The following PCDHGA1 variants were observed in gnomAD, a reference collection of about 807,000 sequenced individuals.
PCDHGA1 encodes the protein protocadherin gamma-A1.
PCDHGA1 carries 32 observed loss-of-function variants against 58.0 expected under a neutral mutation model. That is an observed-to-expected ratio of 0.55 (90% CI 0.42 to 0.74). The LOEUF (loss-of-function observed/expected upper bound fraction) is 0.74. Among genes scored for constraint, PCDHGA1 ranks in the 30% least tolerant of loss-of-function variants. PCDHGA1 has a pLI of 0.00. For missense variants in PCDHGA1, 1,205 were observed against 1,182.3 expected (o/e 1.02, Z -0.28); for synonymous variants, 498 against 501.1 (o/e 0.99, Z 0.08).
At position 141,491,623 on chromosome 5, in the gene PCDHGA1, G is replaced by A. The variant is rs767724749; in HGVS notation, c.2422-3184G>A. The A allele has an allele frequency of 3.7e-6, 6 of 1,613,812 alleles. No homozygotes were observed. The highest frequency in any genetic ancestry group is 2.7e-5 in the African/African-American group (2 of 74,938). On this transcript the variant is annotated intron_variant, in intron 1 of 3. Transcript: ENST00000517417. This position sits in a 1 kb window ranked among gnomAD's most constrained non-coding sequence, Gnocchi z 6.9. ...CTTCACTTTTCTAAGACCCCTCAGC[G>A]TTCAGCAGCCCACAGCTCTGGCGCT...
chr5:141,413,639 G>A (rs893578830), intron 1 of PCDHGA1: 2 of 1,613,854 alleles, frequency 1.2e-6, no homozygotes, highest in Non-Finnish European at 1.7e-6. Context: ...GCGGGAATGC[G>A]TTTTCCTCTC....
intron 1 of PCDHGA1, chr5:141,394,332 A>T (rs1270394666): frequency 1.9e-6 from 3 of 1,614,010 alleles, no homozygotes; most frequent in Non-Finnish European, 2.5e-6. Flanking sequence ...GTATATCTCC[A>T]TCAACTCTGA....
At chr5:141,404,063 G>A in intron 1 of PCDHGA1, 1 of 1,613,798 alleles carries the variant, frequency 6.2e-7, no homozygotes, top group Non-Finnish European at 8.5e-7. Context: ...TCTTTTCAAT[G>A]CTCATGACCG....
chr5:141,444,695 CCT>C (rs2154560766), intron 1 of PCDHGA1, among the ~76,000 whole-genome samples: 1 of 152,134 alleles, frequency 6.6e-6, no homozygotes, highest in South Asian at 2.1e-4. Flanking sequence ...AAAATATTTT[CCT>C]CTTTCTGTTG....
intron 1 of PCDHGA1, chr5:141,362,563 T>C: frequency 6.2e-7 from 1 of 1,608,274 alleles, no homozygotes; most frequent in Non-Finnish European, 8.5e-7. Context: ...GAAGGTGAGC[T>C]TTAATTAATT....
At chr5:141,494,937 G>A (rs759078748) in intron 2 of PCDHGA1, 72 bp downstream of exon 2, 130 of 1,612,276 alleles carry the variant, frequency 8.1e-5, no homozygotes, top group Non-Finnish European at 1.1e-4. Context: ...GAGGAGATGG[G>A]GGAGGGCCCA....
Position 141,431,920 on chromosome 5 carries a change from A to C in PCDHGA1, c.2422-62887A>C. On this transcript the variant is annotated intron_variant, in intron 1 of 3. Transcript: ENST00000517417. The surrounding 1 kb of genome is among the most constrained non-coding windows in gnomAD (Gnocchi z 4.8). ...ACGGACAGGTGATCTGTTTCATCCA[A>C]GGAAATCTGCCCTTTAAATTAGAAA... 1 of 1,614,164 alleles carries C rather than the reference A, an allele frequency of 6.2e-7. No individual in the cohort carries two copies. Among genetic ancestry groups the C allele is most frequent in the Non-Finnish European group, 8.5e-7 (1 of 1,179,976 alleles).
chr5:141,495,080 G>A (rs73794925), intron 2 of PCDHGA1, among the ~76,000 whole-genome samples: 1 of 152,258 alleles, frequency 6.6e-6, no homozygotes, highest in African/African-American at 2.4e-5. Flanking sequence ...TCACATGCTT[G>A]CCCCTTCCCT....
chr5:141,351,366 A>G (rs773042638), intron 1 of PCDHGA1: 2 of 1,613,000 alleles, frequency 1.2e-6, no homozygotes, highest in South Asian at 2.2e-5. Flanking sequence ...AAAGTGCGAG[A>G]CAAGGATTCT....
chr5:141,383,111 G>A (rs1778825572), intron 1 of PCDHGA1: 3 of 1,614,040 alleles, frequency 1.9e-6, no homozygotes, highest in Non-Finnish European at 2.5e-6. Context: ...TCCAGAGGTA[G>A]GACGCAGCTT....
rs112808093 is a variant in PCDHGA1, at chr5:141,489,579, C to A, written c.2422-5228C>A. ...CAGTGCAGGTGGTGACTGAACACCC[C>A]CTGGAGCTAATCCGTGTAGAGGTAG... On this transcript the variant is annotated intron_variant, in intron 1 of 3. Coordinates refer to ENST00000517417, the MANE Select transcript of PCDHGA1 (RefSeq NM_018912.3). This position sits in a 1 kb window ranked among gnomAD's most constrained non-coding sequence, Gnocchi z 4.5. 1.2e-6 allele frequency: 2 copies of A among 1,613,922 alleles called. No individual in the cohort carries two copies. Among genetic ancestry groups the A allele is most frequent in the African/African-American group, 2.7e-5 (2 of 74,916 alleles).
At chr5:141,466,019 G>C (rs1466918487) in intron 1 of PCDHGA1, among the ~76,000 whole-genome samples, 1 of 152,062 alleles carries the variant, frequency 6.6e-6, no homozygotes, top group African/African-American at 2.4e-5. Flanking sequence ...CTACTCGGGA[G>C]GGTGAGGCAG....
At chr5:141,375,304 T>C (rs1436249937) in intron 1 of PCDHGA1, 4 of 1,613,762 alleles carry the variant, frequency 2.5e-6, no homozygotes, top group Non-Finnish European at 3.4e-6. Flanking sequence ...TAGTGACAAA[T>C]GCAGCTCTAG....
At chr5:141,374,443 A>C (rs886695991) in intron 1 of PCDHGA1, 1 of 1,613,842 alleles carries the variant, frequency 6.2e-7, no homozygotes. Context: ...ATCCCGTGGA[A>C]GTGGAAATAG....
intron 3 of PCDHGA1, chr5:141,508,010 CAAG>C (rs2099865550): frequency 6.6e-6 from 1 of 152,308 alleles, no homozygotes; most frequent in Non-Finnish European, 1.5e-5. Context: ...GGGATGCTCT[CAAG>C]GAGGCTGCGG....
chr5:141,489,864 T>G lies in PCDHGA1; in HGVS notation c.2422-4943T>G, dbSNP rs1274301673. ...TGGATCGTGAAGCCCAGGCAAGACA[T>G]CAGCTGGTGCTTACTGCTGTGGATG... On this transcript the variant is annotated intron_variant, in intron 1 of 3. Coordinates refer to ENST00000517417, the MANE Select transcript of PCDHGA1 (RefSeq NM_018912.3). This position sits in a 1 kb window ranked among gnomAD's most constrained non-coding sequence, Gnocchi z 4.5. 5 of 1,614,064 alleles carry G rather than the reference T, an allele frequency of 3.1e-6. No individual in the cohort carries two copies. The highest frequency in any genetic ancestry group is 3.4e-6 in the Non-Finnish European group (4 of 1,180,022).
chr5:141,407,919 C>A, intron 1 of PCDHGA1: 1 of 472,082 alleles, frequency 2.1e-6, no homozygotes, highest in Non-Finnish European at 3.7e-6. Flanking sequence ...GGCTGCTGTC[C>A]CGCACGGAGC....
intron 1 of PCDHGA1, chr5:141,345,366 ATCAAT>A: frequency 6.2e-7 from 1 of 1,614,130 alleles, no homozygotes; most frequent in Middle Eastern, 1.6e-4. Flanking sequence ...TGTGATTGAC[ATCAAT>A]GACAACCCAC....
intron 1 of PCDHGA1, chr5:141,384,489 A>G: frequency 6.2e-7 from 1 of 1,614,168 alleles, no homozygotes. Flanking sequence ...AACTACAACT[A>G]AGAGTGACTG....
Sources: gnomAD v4.1 joint callset for allele counts (sites outside exome capture counted in the v4.1 genomes callset) on GRCh38, gnomAD v4.1.1 for gene constraint, Gnocchi (gnomAD v3.1) non-coding constraint, MANE v1.5 for transcripts, NCBI Gene and HGNC (gene_info 2026-07-23, HGNC 2026-07-21) for gene names.